Variants in HHLA2 observed in about 807,000 individuals in gnomAD.
HHLA2 encodes HERV-H LTR-associating protein 2.
HHLA2 carries 48 observed loss-of-function variants against 45.9 expected under a neutral mutation model. The ratio of observed to expected loss-of-function variants is 1.05; its 90% CI spans 0.83 to 1.33. HHLA2 has a LOEUF of 1.33. Ranked by LOEUF, HHLA2 falls within the 40% of genes most tolerant of loss-of-function variation. The pLI is 0.00. For synonymous variants in HHLA2, 161 were observed against 173.9 expected (o/e 0.93, Z 0.59); for missense variants, 462 against 494.3 (o/e 0.93, Z 0.62).
chr3:108,328,975 A>G (rs2081338652), intron 3 of HHLA2, among the ~76,000 whole-genome samples: 1 of 152,176 alleles, frequency 6.6e-6, no homozygotes, highest in Non-Finnish European at 1.5e-5. Context: ...TGCTGGATTC[A>G]TGCGTGGGAT....
At chr3:108,341,948 G>C (rs2081577550) in intron 3 of HHLA2, among the ~76,000 whole-genome samples, 1 of 152,176 alleles carries the variant, frequency 6.6e-6, no homozygotes, top group African/African-American at 2.4e-5. Context: ...TCTGAAAGTA[G>C]AGGGACGGGG....
chr3:108,328,139 A>C (rs1262388904), intron 2 of HHLA2: 1 of 508,652 alleles, frequency 2.0e-6, no homozygotes. Flanking sequence ...TCTCGAAGAA[A>C]AAAAAAAAGT....
intron 2 of HHLA2, among the ~76,000 whole-genome samples, chr3:108,320,147 G>T (rs62266189): frequency 0.068 from 10,278 of 152,182 alleles, 479 homozygotes; most frequent in Non-Finnish European, 0.092. Context: ...ACTTTTCATA[G>T]ACTATTTCCT....
At chr3:108,369,380 C>T (rs897689808) in intron 8 of HHLA2, among the ~76,000 whole-genome samples, 4 of 152,118 alleles carry the variant, frequency 2.6e-5, no homozygotes, top group Non-Finnish European at 4.4e-5. Context: ...CAGCTCCCAG[C>T]GTGAGCGACG....
At chr3:108,323,044 T>G (rs955723051) in intron 2 of HHLA2, among the ~76,000 whole-genome samples, 3 of 151,448 alleles carry the variant, frequency 2.0e-5, no homozygotes, top group African/African-American at 4.8e-5. Context: ...TTGCTGACTT[T>G]TTTGTTTGTT....
intron 9 of HHLA2, 72 bp downstream of exon 8, chr3:108,375,872 C>A: frequency 6.4e-7 from 1 of 1,567,742 alleles, no homozygotes; most frequent in Non-Finnish European, 8.7e-7. Context: ...TCGGCAAAAA[C>A]TCTGTCACAG....
At chr3:108,351,913 C>A in intron 4 of HHLA2, 36 bp downstream of exon 3, 1 of 1,396,700 alleles carries the variant, frequency 7.2e-7, no homozygotes, top group Non-Finnish European at 1.0e-6. Context: ...TAGTTATTTG[C>A]ATTATCAGAT....
chr3:108,307,634 C>CAAA (rs554619443), intron 1 of HHLA2, among the ~76,000 whole-genome samples: 1 of 131,110 alleles, frequency 7.6e-6, no homozygotes, highest in African/African-American at 2.8e-5. Flanking sequence ...AACTCTGTCT[C>CAAA]AAAAAAAAAA....
intron 8 of HHLA2, among the ~76,000 whole-genome samples, chr3:108,373,904 C>T (rs1472184981): frequency 1.3e-5 from 2 of 150,744 alleles, no homozygotes; most frequent in Non-Finnish European, 3.0e-5. Context: ...CCATACTGCC[C>T]AAGGTAATTT....
exon 11 of HHLA2, chr3:108,377,984 T>C (rs1223818572): frequency 1.3e-5 from 2 of 152,206 alleles, no homozygotes; most frequent in Admixed American, 6.6e-5. Context: ...ACTGATGACA[T>C]TCCACCATTG....
At chr3:108,343,081 G>A (rs946446841) in intron 3 of HHLA2, among the ~76,000 whole-genome samples, 1 of 152,174 alleles carries the variant, frequency 6.6e-6, no homozygotes, top group African/African-American at 2.4e-5. Flanking sequence ...TTTAATGGCA[G>A]CAAGGATGTT....
intron 1 of HHLA2, among the ~76,000 whole-genome samples, chr3:108,307,521 C>G (rs991240668): frequency 6.6e-6 from 1 of 151,864 alleles, no homozygotes; most frequent in Non-Finnish European, 1.5e-5. Flanking sequence ...GTAATCCCAG[C>G]TACTCGGGAG....
rs539181710 is a variant in HHLA2, at chr3:108,363,667, C to T, written c.1108+1221C>T. Among the ~76,000 whole-genome samples, 3 of 152,200 alleles carry T rather than the reference C, an allele frequency of 2.0e-5. No individual in the cohort carries two copies. The East Asian group carries it at 5.8e-4, about 29-fold the overall frequency. ...AGTCTAGCCTGTCCACGAAGATCAA[C>T]CGTTGACCTAATATACTGATATTTG... On this transcript the variant is annotated intron_variant, in intron 8 of 10. Transcript: ENST00000619531.
At chr3:108,314,907 G>A (rs1030069134) in intron 2 of HHLA2, among the ~76,000 whole-genome samples, 13 of 152,146 alleles carry the variant, frequency 8.5e-5, no homozygotes, top group Non-Finnish European at 1.3e-4. Context: ...CAAGGCTCAG[G>A]TGTCACCACT....
intron 4 of HHLA2, 66 bp from the exon 4 acceptor site, chr3:108,353,361 C>T (rs2107457856): frequency 9.7e-7 from 1 of 1,029,130 alleles, no homozygotes; most frequent in Non-Finnish European, 1.4e-6. Context: ...CTGGGTAGTT[C>T]TGGTATAATC....
At chr3:108,377,515 C>T in exon 11 of HHLA2, 2 of 500,296 alleles carry the variant, frequency 4.0e-6, no homozygotes, top group Non-Finnish European at 7.3e-6. Flanking sequence ...TTAAGGATTC[C>T]AATTTAACTT....
At chr3:108,303,054 G>T (rs2080875733) in intron 1 of HHLA2, among the ~76,000 whole-genome samples, 1 of 152,054 alleles carries the variant, frequency 6.6e-6, no homozygotes, top group Non-Finnish European at 1.5e-5. Flanking sequence ...CCCTTATTTG[G>T]CATTCAACTG....
intron 7 of HHLA2, 127 bp downstream of exon 6, chr3:108,358,288 G>A (rs2081933236): frequency 1.1e-5 from 7 of 653,342 alleles, no homozygotes; most frequent in Admixed American, 3.3e-5. Context: ...AATCCACAGG[G>A]ATATTTCTGG....
intron 7 of HHLA2, among the ~76,000 whole-genome samples, chr3:108,358,564 A>T (rs2081937447): frequency 6.6e-6 from 1 of 152,214 alleles, no homozygotes; most frequent in South Asian, 2.1e-4. Flanking sequence ...GGAAATCATG[A>T]CAGTGTCTAT....
Sources: allele counts gnomAD v4.1 joint callset (sites outside exome capture counted in the v4.1 genomes callset), GRCh38; gene constraint gnomAD v4.1.1; transcripts MANE v1.5; gene names NCBI Gene and HGNC (gene_info 2026-07-23, HGNC 2026-07-21).